The following FBXL17 variants were observed in gnomAD, a reference collection of about 807,000 sequenced individuals.
The protein encoded by FBXL17 is F-box/LRR-repeat protein 17.
Under a neutral mutation model 66.2 loss-of-function variants are expected in FBXL17, and 22 were observed. The observed-to-expected ratio is 0.33, with a 90% CI of 0.24 to 0.47. FBXL17 has a LOEUF of 0.47. Ranked by LOEUF, FBXL17 falls within the 20% of genes least tolerant of loss-of-function variation. The pLI, the probability that FBXL17 is intolerant of heterozygous loss-of-function variation, is 1.00. For missense variants in FBXL17, 878 were observed against 948.2 expected (o/e 0.93, Z 0.97); for synonymous variants, 474 against 400.5 (o/e 1.18, Z -2.19).
intron 6 of FBXL17, among the ~76,000 whole-genome samples, chr5:108,031,905 A>G (rs1214828433): frequency 6.6e-6 from 1 of 152,140 alleles, no homozygotes; most frequent in Non-Finnish European, 1.5e-5. Context: ...CAACTTCTCT[A>G]AGTCTCTTCT....
intron 7 of FBXL17, among the ~76,000 whole-genome samples, chr5:107,901,341 A>C: frequency 6.6e-6 from 1 of 152,290 alleles, no homozygotes. Flanking sequence ...AAGGTTTCTC[A>C]TTTTATTAAT....
At position 107,965,795 on chromosome 5, in the gene FBXL17, T is replaced by C. The variant is rs1456098725; in HGVS notation, c.1822+55130A>G. Reference sequence around the variant, plus strand: ...TGATCTTGAAATAGACATAGTCTAGTGTACAGATACATAATTACTGGAGGG... The same window carrying C: ...TGATCTTGAAATAGACATAGTCTAGCGTACAGATACATAATTACTGGAGGG... On this transcript the variant is annotated intron_variant, in intron 7 of 8. Transcript: ENST00000542267. 2.0e-5 allele frequency among the ~76,000 whole-genome samples: 3 copies of C among 152,178 alleles called. No individual in the cohort carries two copies. The South Asian group carries it at 6.2e-4, about 31-fold the overall frequency.
At chr5:108,241,586 G>A (rs772559223) in intron 4 of FBXL17, among the ~76,000 whole-genome samples, 18 of 152,082 alleles carry the variant, frequency 1.2e-4, no homozygotes, top group Admixed American at 1.1e-3. Flanking sequence ...TATTCAAAGG[G>A]ATAACAGAAT....
At chr5:108,120,743 G>C (rs749945166) in intron 6 of FBXL17, among the ~76,000 whole-genome samples, 3 of 152,136 alleles carry the variant, frequency 2.0e-5, no homozygotes, top group Non-Finnish European at 4.4e-5. Context: ...TGAGGCAGGA[G>C]GATTCTTTGA....
chr5:108,335,237 C>G (rs887772413), intron 4 of FBXL17, among the ~76,000 whole-genome samples: 2 of 148,172 alleles, frequency 1.3e-5, no homozygotes, highest in East Asian at 2.0e-4. Flanking sequence ...CCACCCCCCC[C>G]CAACACACAA....
chr5:108,372,063 G>T (rs1749076156), intron 1 of FBXL17, among the ~76,000 whole-genome samples: 1 of 152,162 alleles, frequency 6.6e-6, no homozygotes, highest in South Asian at 2.1e-4. Flanking sequence ...CTCGCTGTAA[G>T]CCTCTGCACA....
At chr5:107,956,159 T>TAC (rs747248078) in intron 7 of FBXL17, among the ~76,000 whole-genome samples, 271 of 151,990 alleles carry the variant, frequency 1.8e-3, no homozygotes, top group Non-Finnish European at 2.8e-3. Context: ...CTTCTAGATA[T>TAC]ACACACACAC....
At chr5:108,244,251 TA>T (rs1284169563) in intron 4 of FBXL17, among the ~76,000 whole-genome samples, 1 of 152,166 alleles carries the variant, frequency 6.6e-6, no homozygotes, top group African/African-American at 2.4e-5. Flanking sequence ...TGGCTGGTCA[TA>T]ATATGGAAGC....
At chr5:107,876,609 C>T (rs1748621589) in intron 8 of FBXL17, among the ~76,000 whole-genome samples, 1 of 152,194 alleles carries the variant, frequency 6.6e-6, no homozygotes, top group African/African-American at 2.4e-5. Flanking sequence ...TCCGCCAGTG[C>T]CAGGCCACAG....
chr5:108,185,312 G>C (rs191398997), intron 6 of FBXL17, among the ~76,000 whole-genome samples: 363 of 152,218 alleles, frequency 2.4e-3, no homozygotes, highest in Non-Finnish European at 4.1e-3. Flanking sequence ...TTGGATCATG[G>C]GGGCAGATTT....
At chr5:108,014,876 A>G (rs2112748554) in intron 7 of FBXL17, among the ~76,000 whole-genome samples, 1 of 152,320 alleles carries the variant, frequency 6.6e-6, no homozygotes, top group East Asian at 1.9e-4. Flanking sequence ...CTTACATGTC[A>G]GCAGGCAAGA....
chr5:108,300,404 T>G (rs1232975937), intron 4 of FBXL17, among the ~76,000 whole-genome samples: 1 of 151,930 alleles, frequency 6.6e-6, no homozygotes, highest in Non-Finnish European at 1.5e-5. Flanking sequence ...TTTCCTCATA[T>G]TCAATTTTTG....
chr5:108,194,136 T>C (rs1304415779), intron 5 of FBXL17, among the ~76,000 whole-genome samples: 1 of 152,124 alleles, frequency 6.6e-6, no homozygotes. Flanking sequence ...GGCCCTCCAT[T>C]GTCCATCCCT....
At chr5:108,343,249 T>C (rs920652239) in intron 4 of FBXL17, among the ~76,000 whole-genome samples, 5 of 152,184 alleles carry the variant, frequency 3.3e-5, no homozygotes, top group Non-Finnish European at 7.4e-5. Flanking sequence ...TAAGATGATG[T>C]TCAATATCTT....
At position 108,299,198 on chromosome 5, in the gene FBXL17, C is replaced by G. The variant is rs906967708; in HGVS notation, c.1506+49201G>C. 4.4e-5 allele frequency: 43 copies of G among 984,934 alleles called. No individual in the cohort carries two copies. The African/African-American group carries it at 6.8e-4, about 16-fold the overall frequency. 61.0% of individuals were successfully genotyped at this position (984,934 alleles called of 1,614,324 possible). A position where few individuals can be genotyped will look rare whatever the true frequency, so the allele number is the denominator to read the frequency against. Reference sequence around the variant, plus strand: ...TTTTAAACAAATGGCAGAGTTGGACCTTTATACCTTTATGACATACATACA... The same window carrying G: ...TTTTAAACAAATGGCAGAGTTGGACGTTTATACCTTTATGACATACATACA... On this transcript the variant is annotated intron_variant, in intron 4 of 8. Coordinates refer to ENST00000542267, the MANE Select transcript of FBXL17 (RefSeq NM_001163315.3).
chr5:108,340,196 C>A (rs1170681384), intron 4 of FBXL17, among the ~76,000 whole-genome samples: 1 of 149,444 alleles, frequency 6.7e-6, no homozygotes, highest in Admixed American at 6.7e-5. Flanking sequence ...TACGATCTAG[C>A]AAAGAATTTA....
At position 108,140,934 on chromosome 5, in the gene FBXL17, G is replaced by A. The variant is rs575749058; in HGVS notation, c.1745+45183C>T. Among the ~76,000 whole-genome samples, 8 of 151,628 alleles carry A rather than the reference G, an allele frequency of 5.3e-5. No individual in the cohort carries two copies. In the East Asian group the frequency reaches 1.6e-3, roughly 29 times the overall value. On this transcript the variant is annotated intron_variant, in intron 6 of 8. Transcript: ENST00000542267. The stretch of plus-strand genomic sequence containing the variant: ...TCTCCCTATCCCTGCCTTCAAACTA[G>A]GTATTGTCATCCCTTGGCTGGAACA...
intron 7 of FBXL17, among the ~76,000 whole-genome samples, chr5:107,898,767 A>T (rs916742371): frequency 6.6e-6 from 1 of 152,062 alleles, no homozygotes; most frequent in Non-Finnish European, 1.5e-5. Context: ...ATGGTTTCCA[A>T]CTTCATCCAT....
intron 6 of FBXL17, among the ~76,000 whole-genome samples, chr5:108,176,824 T>G (rs1298408607): frequency 6.6e-6 from 1 of 152,166 alleles, no homozygotes; most frequent in Non-Finnish European, 1.5e-5. Context: ...AAAGTTTATT[T>G]AAATTTGAAT....
Sources: gnomAD v4.1 joint callset for allele counts (sites outside exome capture counted in the v4.1 genomes callset) on GRCh38, gnomAD v4.1.1 for gene constraint, MANE v1.5 for transcripts, NCBI Gene and HGNC (gene_info 2026-07-23, HGNC 2026-07-21) for gene names.